CTNNA2: variants seen among roughly 807,000 people sequenced by gnomAD.
The protein encoded by CTNNA2 is catenin alpha 2, also known as catenin alpha-2.
A neutral mutation model predicts 101.0 loss-of-function variants in CTNNA2; 42 were observed. That is an observed-to-expected ratio of 0.42 (90% CI 0.32 to 0.54). The LOEUF (loss-of-function observed/expected upper bound fraction) is 0.54, where lower values mean the gene tolerates loss of function less well. Ranked by LOEUF, CTNNA2 falls within the 20% of genes least tolerant of loss-of-function variation. The pLI, the probability that CTNNA2 is intolerant of heterozygous loss-of-function variation, is 0.14. For synonymous variants in CTNNA2, 450 were observed against 456.4 expected, an observed-to-expected ratio of 0.99 and a Z score of 0.18; for missense variants, 871 against 1,223.1, an observed-to-expected ratio of 0.71 and a Z score of 4.29.
At chr2:79,415,645 A>G (rs1678471103) in intron 4 of CTNNA2, among the ~76,000 whole-genome samples, 3 of 152,238 alleles carry the variant, frequency 2.0e-5, no homozygotes, top group Admixed American at 2.0e-4. Context: ...AAAATGGGCA[A>G]TAGTGGGCTT....
chr2:80,036,793 GTCAC>G (rs561565934), intron 7 of CTNNA2, among the ~76,000 whole-genome samples: 82 of 151,004 alleles, frequency 5.4e-4, no homozygotes, highest in Middle Eastern at 6.8e-3. Context: ...ACCATTCACA[GTCAC>G]TCACTCATTC....
At chr2:80,530,536 C>T (rs1690449832) in intron 9 of CTNNA2, among the ~76,000 whole-genome samples, 1 of 152,114 alleles carries the variant, frequency 6.6e-6, no homozygotes, top group African/African-American at 2.4e-5. Flanking sequence ...GGGTTAGTGA[C>T]ATTAGATAGC....
intron 3 of CTNNA2, among the ~76,000 whole-genome samples, chr2:79,787,113 C>T (rs1407412501): frequency 2.0e-5 from 3 of 152,172 alleles, no homozygotes; most frequent in Non-Finnish European, 2.9e-5. Flanking sequence ...AGTAAGATGA[C>T]TTCCTTGAAA....
intron 3 of CTNNA2, among the ~76,000 whole-genome samples, chr2:79,745,271 A>G (rs1176240267): frequency 6.6e-6 from 1 of 152,042 alleles, no homozygotes; most frequent in Non-Finnish European, 1.5e-5. Context: ...TCTCTACTAA[A>G]ATACAAAAAA....
intron 7 of CTNNA2, among the ~76,000 whole-genome samples, chr2:80,093,710 G>T (rs1280047767): frequency 6.6e-6 from 1 of 152,200 alleles, no homozygotes; most frequent in Non-Finnish European, 1.5e-5. Context: ...ACTGGTGTGA[G>T]ATGGTATCTC....
chr2:79,597,082 TTA>T (rs1677237266), intron 1 of CTNNA2, among the ~76,000 whole-genome samples: 1 of 152,208 alleles, frequency 6.6e-6, no homozygotes, highest in Non-Finnish European at 1.5e-5. Flanking sequence ...TGAAACAGTA[TTA>T]AATATTCACA....
intron 3 of CTNNA2, among the ~76,000 whole-genome samples, chr2:79,813,404 G>T (rs549922862): frequency 1.4e-3 from 209 of 152,284 alleles, no homozygotes; most frequent in Non-Finnish European, 2.6e-3. Flanking sequence ...AAGACAGGTA[G>T]ATTCAAGATC....
chr2:79,298,785 C>A (rs920273113), intron 2 of CTNNA2, among the ~76,000 whole-genome samples: 1 of 152,238 alleles, frequency 6.6e-6, no homozygotes, highest in African/African-American at 2.4e-5. Context: ...ATTCTCTAGG[C>A]ATCACAAGCC....
At chr2:79,225,899 A>T (rs1013148987) in intron 2 of CTNNA2, among the ~76,000 whole-genome samples, 1 of 152,200 alleles carries the variant, frequency 6.6e-6, no homozygotes, top group Admixed American at 6.5e-5. Flanking sequence ...TCATGATGAC[A>T]TTTGTTGTGT....
chr2:80,254,459 G>T (rs1004645975), intron 7 of CTNNA2, among the ~76,000 whole-genome samples: 2 of 152,158 alleles, frequency 1.3e-5, no homozygotes, highest in Admixed American at 1.3e-4. Context: ...TGTAGCCAAG[G>T]TATGGGGGGA....
At chr2:79,353,432 A>G (rs1449781245) in intron 3 of CTNNA2, among the ~76,000 whole-genome samples, 1 of 152,158 alleles carries the variant, frequency 6.6e-6, no homozygotes, top group Non-Finnish European at 1.5e-5. Context: ...TAGAGTACGT[A>G]CTGTGTGCAG....
At chr2:80,529,367 C>G (rs1351534594) in intron 9 of CTNNA2, among the ~76,000 whole-genome samples, 1 of 152,076 alleles carries the variant, frequency 6.6e-6, no homozygotes, top group Non-Finnish European at 1.5e-5. Flanking sequence ...AACTAAATAC[C>G]AATGGAAAAG....
intron 7 of CTNNA2, among the ~76,000 whole-genome samples, chr2:80,087,099 G>A (rs1699489537): frequency 6.6e-6 from 1 of 151,958 alleles, no homozygotes; most frequent in African/African-American, 2.4e-5. Context: ...TTGACTGATA[G>A]TAACAATTGT....
intron 7 of CTNNA2, among the ~76,000 whole-genome samples, chr2:80,324,856 CT>C (rs535156093): frequency 6.9e-4 from 105 of 152,234 alleles, no homozygotes; most frequent in Middle Eastern, 3.4e-3. Flanking sequence ...TAGCCATCTC[CT>C]TTTCGTCACT....
At chr2:80,120,078 A>G (rs370185568) in intron 7 of CTNNA2, among the ~76,000 whole-genome samples, 1 of 152,178 alleles carries the variant, frequency 6.6e-6, no homozygotes, top group African/African-American at 2.4e-5. Context: ...GGAACTTTTT[A>G]AATTTTCCTC....
chr2:79,657,794 CAAAT>C (rs1414561465), intron 2 of CTNNA2, among the ~76,000 whole-genome samples: 7 of 151,396 alleles, frequency 4.6e-5, no homozygotes, highest in Non-Finnish European at 8.9e-5. Context: ...ATTTAGAAAA[CAAAT>C]AAAAATACTT....
chr2:80,185,162 T>A (rs1372011685), intron 7 of CTNNA2, among the ~76,000 whole-genome samples: 1 of 152,150 alleles, frequency 6.6e-6, no homozygotes, highest in African/African-American at 2.4e-5. Context: ...TCAGAGAAGA[T>A]CCACTCCAAG....
At chr2:79,869,607 C>T (rs1031935494) in intron 4 of CTNNA2, among the ~76,000 whole-genome samples, 1 of 152,030 alleles carries the variant, frequency 6.6e-6, no homozygotes, top group African/African-American at 2.4e-5. Flanking sequence ...TCAGCAATTG[C>T]TTTTTTATAT....
chr2:80,332,136 A>C (rs1671388954), intron 7 of CTNNA2, among the ~76,000 whole-genome samples: 1 of 152,094 alleles, frequency 6.6e-6, no homozygotes, highest in Non-Finnish European at 1.5e-5. Context: ...TCTCACTTAC[A>C]TGTCTTAGTT....
Sources: allele counts gnomAD v4.1 joint callset (sites outside exome capture counted in the v4.1 genomes callset), GRCh38; gene constraint gnomAD v4.1.1; transcripts MANE v1.5; gene names NCBI Gene and HGNC (gene_info 2026-07-23, HGNC 2026-07-21).